Variants in DDX47 observed in about 807,000 individuals in gnomAD.
DDX47 encodes probable ATP-dependent RNA helicase DDX47.
DDX47 carries 60 observed loss-of-function variants against 58.8 expected under a neutral mutation model. The observed-to-expected ratio is 1.02, with a 90% CI of 0.83 to 1.26. DDX47 has a LOEUF of 1.26. DDX47 is among the 50% of genes most tolerant of loss of function. The pLI is 0.00. For synonymous variants in DDX47, 197 were observed against 204.6 expected (o/e 0.96, Z 0.32); for missense variants, 530 against 573.2 (o/e 0.92, Z 0.77).
intron 11 of DDX47, among the ~76,000 whole-genome samples, chr12:12,827,900 G>T (rs1863079661): frequency 9.3e-6 from 1 of 107,808 alleles, no homozygotes; most frequent in African/African-American, 3.3e-5. Flanking sequence ...TTTTGAGATG[G>T]AGTTTTGCTC....
rs1565447265 is a variant in DDX47 at position 12,822,079 on chromosome 12, C to G, written c.557C>G (p.Thr186Arg). The change falls in exon 5 of 12, where the codon ACA becomes AGA. Residue 186 changes from threonine to arginine, a missense_variant. Coordinates refer to ENST00000358007, the MANE Select transcript of DDX47 (RefSeq NM_016355.4). ...ADRILNMDFE[T>R]EVDKILKVIP... Reference sequence around the variant, plus strand: ...CGAATACTGAATATGGATTTTGAGACAGAGGTGAGCTCTCAATTTCTTTCC... The same window carrying G: ...CGAATACTGAATATGGATTTTGAGAGAGAGGTGAGCTCTCAATTTCTTTCC... The G allele has an allele frequency of 6.2e-7, 1 of 1,605,192 alleles. No homozygotes were observed. The highest frequency in any genetic ancestry group is 8.5e-7 in the Non-Finnish European group (1 of 1,172,350).
Position 12,826,017 on chromosome 12 carries a change from A to T in DDX47, c.1053A>T (p.Val351=). 1 of 1,613,300 alleles carries T rather than the reference A, an allele frequency of 6.2e-7. No individual in the cohort carries two copies. The highest frequency in any genetic ancestry group is 8.5e-7 in the Non-Finnish European group (1 of 1,179,590). Residue 351 remains valine (V), a synonymous_variant, in exon 10 of 12, where the codon GTA becomes GTT. Transcript: ENST00000358007. ...PTHSKDYIHR[V]GRTARAGRSG... ...TGTTTTAGGATTACATCCATCGAGT[A>T]GGTCGAACAGCTAGAGCTGGGCGCT... is the stretch of plus-strand genomic sequence containing the variant.
chr12:12,819,137 C>T (rs1473506694), intron 2 of DDX47, among the ~76,000 whole-genome samples: 1 of 152,160 alleles, frequency 6.6e-6, no homozygotes, highest in Non-Finnish European at 1.5e-5. Flanking sequence ...AGCTGCCTTC[C>T]TCCTTAATTT....
intron 1 of DDX47, among the ~76,000 whole-genome samples, chr12:12,813,816 T>A (rs1862851527): frequency 6.6e-6 from 1 of 152,256 alleles, no homozygotes. Flanking sequence ...GGACAAGTTG[T>A]TACCTCTCTG....
chr12:12,823,496 C>G, intron 7 of DDX47, 177 bp downstream of exon 7: 1 of 598,936 alleles, frequency 1.7e-6, no homozygotes, highest in Middle Eastern at 4.5e-4. Context: ...GCCAGGAATT[C>G]ACAACACATT....
chr12:12,820,486 A>G (rs16908439), intron 2 of DDX47: 19,047 of 152,632 alleles, frequency 0.12, 1,282 homozygotes, highest in African/African-American at 0.17. Context: ...CAGCCTAACT[A>G]TGCATGCTAT....
chr12:12,826,616 T>TA (rs552425724), intron 10 of DDX47, among the ~76,000 whole-genome samples: 61 of 152,256 alleles, frequency 4.0e-4, no homozygotes, highest in Admixed American at 3.4e-3. Context: ...CCTGGCTTTT[T>TA]AAAAAATATT....
At chr12:12,825,409 A>G (rs1178486027) in intron 9 of DDX47, among the ~76,000 whole-genome samples, 1 of 152,162 alleles carries the variant, frequency 6.6e-6, no homozygotes, top group African/African-American at 2.4e-5. Flanking sequence ...CCCAGTAGAT[A>G]ACAGCATCAC....
rs745423750 is a variant in DDX47 at position 12,827,212 on chromosome 12, A to G, written c.1107-34A>G. On this transcript the variant is annotated intron_variant, in intron 10 of 11. Transcript: ENST00000358007. Reference sequence around the variant, plus strand: ...GGAATGGACAGGCATTTGCGTTACCAGGCAACCAGAGCTGTGCAGTTTTCC... The same window carrying G: ...GGAATGGACAGGCATTTGCGTTACCGGGCAACCAGAGCTGTGCAGTTTTCC... The G allele has an allele frequency of 1.2e-5, 19 of 1,603,326 alleles. No homozygotes were observed. The South Asian group carries it at 1.3e-4, about 11-fold the overall frequency.
rs1200229265 is a variant in DDX47 at position 12,821,374 on chromosome 12, G to A, written c.348G>A (p.Gly116=). The A allele has an allele frequency of 1.2e-6, 2 of 1,614,188 alleles. No homozygotes were observed. Among genetic ancestry groups the A allele is most frequent in the South Asian group, 1.1e-5 (1 of 91,088 alleles). ...TCTCAGAGCAGTTTGAAGCCCTGGGGTCCTCTATTGGAGTGCAGAGTGGTA... is the reference window on the plus strand; with the variant it reads ...TCTCAGAGCAGTTTGAAGCCCTGGGATCCTCTATTGGAGTGCAGAGTGGTA... ...FQISEQFEAL[G]SSIGVQSAVI... The change falls in exon 3 of 12, where the codon GGG becomes GGA. Residue 116 remains glycine, a synonymous_variant. Transcript: ENST00000358007.
chr12:12,821,628 G>A (rs201410550), intron 3 of DDX47, 27 bp from the exon 4 acceptor site: 104 of 1,606,360 alleles, frequency 6.5e-5, no homozygotes, highest in African/African-American at 8.0e-5. Flanking sequence ...TAAGGATCTC[G>A]TCTCTATGTT....
intron 2 of DDX47, among the ~76,000 whole-genome samples, chr12:12,816,601 G>A (rs1341327627): frequency 6.6e-6 from 1 of 152,194 alleles, no homozygotes; most frequent in Non-Finnish European, 1.5e-5. Context: ...TTATAGCTGA[G>A]ATTGGAAATG....
In DDX47 at chr12:12,829,444, A is replaced by G. The variant is rs1382375769; in HGVS notation, c.1258A>G (p.Lys420Glu). Residue 420 changes from lysine to glutamate, a missense_variant, in exon 12 of 12, where the codon AAG becomes GAG. By Grantham distance (56) the Lys-to-Glu change is moderately conservative (BLOSUM62 1). Transcript: ENST00000358007. ...ARMELREHGEKKKRSREDAGD... is the reference protein window; with the variant it reads ...ARMELREHGEEKKRSREDAGD... ...GCAGGAGTTAAGGGAGCATGGAGAA[A>G]AGAAGAAACGCTCGCGAGAGGATGC... is the stretch of plus-strand genomic sequence containing the variant. 2.5e-6 allele frequency: 4 copies of G among 1,612,704 alleles called. No homozygotes were observed. In the African/African-American group the frequency reaches 5.3e-5, roughly 22 times the overall value.
intron 9 of DDX47, among the ~76,000 whole-genome samples, chr12:12,825,653 G>A (rs1166717222): frequency 6.6e-6 from 1 of 152,152 alleles, no homozygotes; most frequent in Admixed American, 6.5e-5. Flanking sequence ...TGATTTGCAG[G>A]TAATTGTGTA....
rs983667684 is a variant in DDX47 at position 12,829,730 on chromosome 12, G to T, written c.*176G>T. 16 of 685,414 alleles carry T rather than the reference G, an allele frequency of 2.3e-5. No individual in the cohort carries two copies. Among genetic ancestry groups the T allele is most frequent in the Admixed American group, 6.8e-5 (2 of 29,478 alleles). The allele number at this position is 685,414 out of a possible 1,614,324, so 42.5% of individuals were successfully genotyped here. On this transcript the variant is annotated 3_prime_UTR_variant, in exon 12 of 12. Transcript: ENST00000358007. ...AGTTTACTGCAGAGTAATTCTTACA[G>T]TGCTGATGTCAAGACTGTTACTGTT...
intron 2 of DDX47, among the ~76,000 whole-genome samples, chr12:12,815,404 T>C (rs991822590): frequency 6.6e-5 from 10 of 152,190 alleles, no homozygotes; most frequent in African/African-American, 2.4e-4. Context: ...AGGTTAACAG[T>C]CTGTCCTCTC....
rs370658536 is a variant in DDX47 at position 12,823,190 on chromosome 12, C to A, written c.634-13C>A. ...TAGGCATCAGTGTGCTATTCTGGAT[C>A]TTCTTCCTTCAGGTTCAAAAACTTC... On this transcript the variant is annotated splice_polypyrimidine_tract_variant and intron_variant, in intron 6 of 11. Transcript: ENST00000358007. The A allele has an allele frequency of 3.2e-6, 5 of 1,565,746 alleles. No homozygotes were observed. Among genetic ancestry groups the A allele is most frequent in the African/African-American group, 1.4e-5 (1 of 73,940 alleles).
In DDX47 at chr12:12,829,495, G is replaced by A. The variant is rs1863100510; in HGVS notation, c.1309G>A (p.Ala437Thr). ...TGGAGATAATGATGACACAGAGGGT[G>A]CTATTGGTGTCAGGAACAAGGTGGC... ...DAGDNDDTEGAIGVRNKVAGG... is the reference protein window; with the variant it reads ...DAGDNDDTEGTIGVRNKVAGG... Residue 437 changes from alanine (A) to threonine (T), a missense_variant, in exon 12 of 12, where the codon GCT becomes ACT. By Grantham distance (58) the Ala-to-Thr change is moderately conservative (BLOSUM62 0). Transcript: ENST00000358007. 6.2e-7 allele frequency: 1 copy of A among 1,613,990 alleles called. No individual in the cohort carries two copies. The highest frequency in any genetic ancestry group is 8.5e-7 in the Non-Finnish European group (1 of 1,179,928).
rs1244953738 is a variant in DDX47 at position 12,822,584 on chromosome 12, C to T, written c.562-77C>T. 5.9e-6 allele frequency: 7 copies of T among 1,195,868 alleles called. No individual in the cohort carries two copies. The Admixed American group carries it at 7.3e-5, about 12-fold the overall frequency. 74.1% of individuals were successfully genotyped at this position (1,195,868 alleles called of 1,614,324 possible). A position where few individuals can be genotyped will look rare whatever the true frequency, so the allele number is the denominator to read the frequency against. ...ATATATTTAGTTTGTTAGTGTCTACCTCCTTCACTACCTAGAGGATTTGCA... is the reference window on the plus strand; with the variant it reads ...ATATATTTAGTTTGTTAGTGTCTACTTCCTTCACTACCTAGAGGATTTGCA... On this transcript the variant is annotated intron_variant, in intron 5 of 11. Coordinates refer to ENST00000358007, the MANE Select transcript of DDX47 (RefSeq NM_016355.4).
Sources: gnomAD v4.1 joint callset for allele counts (sites outside exome capture counted in the v4.1 genomes callset) on GRCh38, gnomAD v4.1.1 for gene constraint, MANE v1.5 for transcripts, NCBI Gene and HGNC (gene_info 2026-07-23, HGNC 2026-07-21) for gene names.